MAP2K1: variants seen among roughly 807,000 people sequenced by gnomAD.
The protein encoded by MAP2K1 is mitogen-activated protein kinase kinase 1, also known as dual specificity mitogen-activated protein kinase kinase 1.
A neutral mutation model predicts 46.3 loss-of-function variants in MAP2K1; 16 were observed. That is an observed-to-expected ratio of 0.35 (90% CI 0.23 to 0.52). The LOEUF is 0.52. Among genes scored for constraint, MAP2K1 ranks in the 20% least tolerant of loss-of-function variants. MAP2K1 has a pLI of 0.94. For synonymous variants in MAP2K1, 183 were observed against 185.6 expected, an observed-to-expected ratio of 0.99 and a Z score of 0.11; for missense variants, 263 against 497.1, an observed-to-expected ratio of 0.53 and a Z score of 4.48.
intron 1 of MAP2K1, among the ~76,000 whole-genome samples, chr15:66,400,368 G>A (rs892245166): frequency 3.9e-5 from 6 of 152,098 alleles, no homozygotes; most frequent in African/African-American, 1.4e-4. Flanking sequence ...CTTTTTGCTA[G>A]CATTTCTCTG....
chr15:66,421,761 T>C (rs1295279298), intron 1 of MAP2K1, among the ~76,000 whole-genome samples: 3 of 150,704 alleles, frequency 2.0e-5, no homozygotes, highest in African/African-American at 7.3e-5. Context: ...ATCGTATCAC[T>C]GCACTTCAGC....
intron 6 of MAP2K1, among the ~76,000 whole-genome samples, chr15:66,482,088 G>A (rs1429465375): frequency 6.6e-6 from 1 of 152,030 alleles, no homozygotes; most frequent in Non-Finnish European, 1.5e-5. Flanking sequence ...GGGATATTGG[G>A]GCCTTGACTC....
intron 1 of MAP2K1, among the ~76,000 whole-genome samples, chr15:66,410,185 C>A (rs74019597): frequency 0.1 from 15,512 of 152,222 alleles, 979 homozygotes; most frequent in East Asian, 0.34. Flanking sequence ...TTCTGTCTTA[C>A]AACTAGGGGA....
chr15:66,490,422 ACT>A (rs759934995), intron 10 of MAP2K1, 78 bp from the exon 11 acceptor site: 1 of 1,034,496 alleles, frequency 9.7e-7, no homozygotes, highest in South Asian at 1.3e-5. Context: ...TAGACCTGAA[ACT>A]CTTGGATTTT....
intron 1 of MAP2K1, among the ~76,000 whole-genome samples, chr15:66,398,295 AGT>A (rs982467366): frequency 6.6e-6 from 1 of 151,272 alleles, no homozygotes; most frequent in African/African-American, 2.4e-5. Flanking sequence ...GCGTGCGTGT[AGT>A]CCCTGCTATT....
chr15:66,436,761 A>G lies in MAP2K1; in HGVS notation c.307A>G (p.Ile103Val). 6.2e-7 allele frequency: 1 copy of G among 1,614,054 alleles called. No individual in the cohort carries two copies. Among genetic ancestry groups the G allele is most frequent in the African/African-American group, 1.3e-5 (1 of 74,996 alleles). ...CTTTCTCCAGCTAATTCATCTGGAG[A>G]TCAAACCCGCAATCCGGAACCAGAT... Reference protein sequence around the residue: ...VMARKLIHLEIKPAIRNQIIR... With the variant: ...VMARKLIHLEVKPAIRNQIIR... The change falls in exon 3 of 11, where the codon ATC becomes GTC. Residue 103 changes from isoleucine to valine, a missense_variant. Around this residue, in one of 4 missense-constraint regions of MAP2K1, gnomAD observed 103 missense variants for 221.6 expected, o/e 0.46. Coordinates refer to ENST00000307102, the MANE Select transcript of MAP2K1 (RefSeq NM_002755.4).
chr15:66,392,395 T>C (rs1265334476), intron 1 of MAP2K1, among the ~76,000 whole-genome samples: 3 of 151,316 alleles, frequency 2.0e-5, no homozygotes, highest in Non-Finnish European at 4.4e-5. Flanking sequence ...CTCAGGCTGG[T>C]CTTGAACTCT....
chr15:66,402,911 AG>A (rs2093385801), intron 1 of MAP2K1, among the ~76,000 whole-genome samples: 2 of 152,210 alleles, frequency 1.3e-5, no homozygotes, highest in Non-Finnish European at 2.9e-5. Flanking sequence ...AACACTATTA[AG>A]TGTAACGAGG....
rs2093350975 is a variant in MAP2K1, at chr15:66,389,194, C to T, written c.80+1767C>T. Among the ~76,000 whole-genome samples the T allele has an allele frequency of 2.6e-5, 4 of 152,296 alleles. No individual in the cohort carries two copies. In the South Asian group the frequency reaches 8.3e-4, roughly 32 times the overall value. On this transcript the variant is annotated intron_variant, in intron 1 of 10. Transcript: ENST00000307102. ...ATGCTGGGATTACAGGCATGAGCCACCGTGCCCAGCCCATTTGTTCAGTTT... is the reference window on the plus strand; with the variant it reads ...ATGCTGGGATTACAGGCATGAGCCATCGTGCCCAGCCCATTTGTTCAGTTT...
intron 1 of MAP2K1, among the ~76,000 whole-genome samples, chr15:66,419,088 T>C (rs1167255804): frequency 6.6e-6 from 1 of 150,458 alleles, no homozygotes; most frequent in African/African-American, 2.4e-5. Context: ...TGCCTCATCC[T>C]CCCAAGTAGC....
At chr15:66,482,479 GTC>G (rs1448676166) in intron 6 of MAP2K1, among the ~76,000 whole-genome samples, 1 of 152,200 alleles carries the variant, frequency 6.6e-6, no homozygotes, top group Non-Finnish European at 1.5e-5. Context: ...CCTCGCCAGA[GTC>G]TCTGCTCCAC....
intron 5 of MAP2K1, among the ~76,000 whole-genome samples, chr15:66,472,967 C>A (rs1190213397): frequency 6.6e-6 from 1 of 152,226 alleles, no homozygotes; most frequent in African/African-American, 2.4e-5. Context: ...CTACCTCCCA[C>A]CTCTCCTGCT....
At chr15:66,449,568 A>G (rs1439307133) in intron 5 of MAP2K1, among the ~76,000 whole-genome samples, 1 of 152,216 alleles carries the variant, frequency 6.6e-6, no homozygotes. Flanking sequence ...TTGAAAATGC[A>G]TGAAAGTATA....
At chr15:66,488,255 G>A (rs961191067) in intron 8 of MAP2K1, among the ~76,000 whole-genome samples, 4 of 152,166 alleles carry the variant, frequency 2.6e-5, no homozygotes, top group African/African-American at 9.7e-5. Flanking sequence ...CTCAGCAGTG[G>A]GGACAGTCTG....
At chr15:66,411,334 G>GT (rs1234415694) in intron 1 of MAP2K1, among the ~76,000 whole-genome samples, 2 of 152,100 alleles carry the variant, frequency 1.3e-5, no homozygotes, top group Non-Finnish European at 2.9e-5. Flanking sequence ...GTCTGAAAGA[G>GT]TTAAAGCTCC....
chr15:66,482,268 T>C (rs979949537), intron 6 of MAP2K1, among the ~76,000 whole-genome samples: 3 of 152,166 alleles, frequency 2.0e-5, no homozygotes, highest in African/African-American at 7.2e-5. Context: ...TAGCAGTAAA[T>C]AGACAGCATC....
chr15:66,396,787 C>A (rs545555621), intron 1 of MAP2K1, among the ~76,000 whole-genome samples: 103 of 150,124 alleles, frequency 6.9e-4, no homozygotes, highest in African/African-American at 2.4e-3. Context: ...TGGGTTCAAG[C>A]GATTCTCCTG....
chr15:66,444,415 C>T (rs1313888718), intron 4 of MAP2K1, among the ~76,000 whole-genome samples: 2 of 151,894 alleles, frequency 1.3e-5, no homozygotes, highest in Non-Finnish European at 2.9e-5. Flanking sequence ...TGCCCGTAAT[C>T]CCAGCTACTC....
At chr15:66,406,606 T>C (rs971963345) in intron 1 of MAP2K1, among the ~76,000 whole-genome samples, 2 of 152,198 alleles carry the variant, frequency 1.3e-5, no homozygotes, top group Non-Finnish European at 2.9e-5. Flanking sequence ...CTTAAAGAAA[T>C]GTTCAAGTCA....
Sources: allele counts gnomAD v4.1 joint callset (sites outside exome capture counted in the v4.1 genomes callset), GRCh38; gene constraint gnomAD v4.1.1; regional missense constraint gnomAD v4.1.1; transcripts MANE v1.5; gene names NCBI Gene and HGNC (gene_info 2026-07-23, HGNC 2026-07-21).